Variants in ARL14EPL observed in about 807,000 individuals in gnomAD.
ARL14EPL encodes the protein ARL14 effector protein-like.
ARL14EPL carries 17 observed loss-of-function variants against 15.9 expected under a neutral mutation model. The ratio of observed to expected loss-of-function variants is 1.07; its 90% CI spans 0.73 to 1.60. The LOEUF is 1.60. Among genes scored for constraint, ARL14EPL ranks in the 40% most tolerant of loss-of-function variants. ARL14EPL has a pLI of 0.00. For missense variants in ARL14EPL, 214 were observed against 185.9 expected, an observed-to-expected ratio of 1.15 and a Z score of -0.88; for synonymous variants, 78 against 63.8, an observed-to-expected ratio of 1.22 and a Z score of -1.06.
intron 3 of ARL14EPL, 143 bp downstream of exon 3, chr5:116,054,296 G>C: frequency 1.3e-5 from 12 of 948,906 alleles, no homozygotes; most frequent in Non-Finnish European, 1.7e-5. Flanking sequence ...CCATGTGTCT[G>C]GACGTTAGCA....
intron 1 of ARL14EPL, among the ~76,000 whole-genome samples, chr5:116,035,113 A>G (rs1469736322): frequency 6.6e-6 from 1 of 152,178 alleles, no homozygotes; most frequent in Non-Finnish European, 1.5e-5. Context: ...TTGTAATGAT[A>G]TATCCCGCAG....
At chr5:116,038,445 C>A (rs1158688002) in intron 1 of ARL14EPL, among the ~76,000 whole-genome samples, 3 of 152,096 alleles carry the variant, frequency 2.0e-5, no homozygotes, top group Non-Finnish European at 4.4e-5. Context: ...CATTCTTGCA[C>A]TCTAGCTAGA....
At position 116,054,583 on chromosome 5, in the gene ARL14EPL, A is replaced by G. The variant is rs531384948; in HGVS notation, c.236+430A>G. On this transcript the variant is annotated intron_variant, in intron 3 of 3. Transcript: ENST00000686077. ...ACGGTGGCTCACACCTGTAATTCCAACACTTTGGGAGGCCAAAGTGGGTGG... is the reference window on the plus strand; with the variant it reads ...ACGGTGGCTCACACCTGTAATTCCAGCACTTTGGGAGGCCAAAGTGGGTGG... Among the ~76,000 whole-genome samples the G allele has an allele frequency of 5.3e-5, 8 of 152,334 alleles. No homozygotes were observed. The South Asian group carries it at 1.7e-3, about 32-fold the overall frequency.
intron 1 of ARL14EPL, among the ~76,000 whole-genome samples, chr5:116,037,995 G>A (rs1749078197): frequency 6.6e-6 from 1 of 152,166 alleles, no homozygotes; most frequent in African/African-American, 2.4e-5. Flanking sequence ...TGAACCTTAA[G>A]GTTTGCATTG....
intron 1 of ARL14EPL, among the ~76,000 whole-genome samples, chr5:116,041,456 T>C (rs1749156872): frequency 6.6e-6 from 1 of 152,216 alleles, no homozygotes; most frequent in Admixed American, 6.5e-5. Flanking sequence ...TAAATTGCTT[T>C]AATGATTTTC....
intron 1 of ARL14EPL, among the ~76,000 whole-genome samples, chr5:116,042,420 C>A (rs146751649): frequency 5.3e-5 from 8 of 152,284 alleles, no homozygotes; most frequent in African/African-American, 1.9e-4. Context: ...GGTCCTGGCT[C>A]AGGTCTGTAG....
chr5:116,056,493 T>C (rs1483198124), intron 3 of ARL14EPL, among the ~76,000 whole-genome samples: 2 of 152,188 alleles, frequency 1.3e-5, no homozygotes, highest in South Asian at 2.1e-4. Context: ...TTGATGGGGT[T>C]GTTTGTTTTT....
chr5:116,051,707 C>T lies in ARL14EPL; in HGVS notation c.96+146C>T, dbSNP rs1270438831. Reference sequence around the variant, plus strand: ...TGCCGCCCAGGCTGATAGAGCTTTCCCTCCTCCCCACTGCTCACTGCGGGC... The same window carrying T: ...TGCCGCCCAGGCTGATAGAGCTTTCTCTCCTCCCCACTGCTCACTGCGGGC... On this transcript the variant is annotated intron_variant, in intron 2 of 3. Coordinates refer to ENST00000686077, the MANE Select transcript of ARL14EPL (RefSeq NM_001195581.2). 1.2e-5 allele frequency: 9 copies of T among 757,234 alleles called. No homozygotes were observed. The Admixed American group carries it at 2.3e-4, about 19-fold the overall frequency. 46.9% of individuals were successfully genotyped at this position (757,234 alleles called of 1,614,324 possible).
intron 1 of ARL14EPL, chr5:116,051,175 T>C (rs899555682): frequency 3.7e-6 from 1 of 269,354 alleles, no homozygotes; most frequent in Non-Finnish European, 6.9e-6. Flanking sequence ...AAACTCAGAG[T>C]CTTCTTAATC....
chr5:116,038,449 A>G (rs1248750549), intron 1 of ARL14EPL, among the ~76,000 whole-genome samples: 2 of 152,170 alleles, frequency 1.3e-5, no homozygotes, highest in Admixed American at 6.5e-5. Flanking sequence ...CTTGCACTCT[A>G]GCTAGAATTT....
chr5:116,048,397 C>T (rs74524255), intron 1 of ARL14EPL, among the ~76,000 whole-genome samples: 1,879 of 152,170 alleles, frequency 0.012, 35 homozygotes, highest in African/African-American at 0.043. Context: ...TTCTCCCTGC[C>T]TTTTGGCAGT....
At chr5:116,051,842 T>C (rs998891367) in intron 2 of ARL14EPL, 7 of 1,077,532 alleles carry the variant, frequency 6.5e-6, no homozygotes, top group Non-Finnish European at 9.5e-6. Flanking sequence ...CAAACGTTTT[T>C]ATTTTTATTT....
intron 1 of ARL14EPL, among the ~76,000 whole-genome samples, chr5:116,039,047 G>A (rs1268361874): frequency 6.6e-6 from 1 of 152,164 alleles, no homozygotes; most frequent in East Asian, 1.9e-4. Flanking sequence ...AGCAGGGTGG[G>A]GGAAGAAGGT....
intron 2 of ARL14EPL, among the ~76,000 whole-genome samples, chr5:116,053,522 A>G (rs1378445882): frequency 3.3e-5 from 5 of 152,082 alleles, no homozygotes; most frequent in Non-Finnish European, 7.4e-5. Context: ...CCCCGCGTGG[A>G]GGCCAGTCCC....
At chr5:116,036,429 A>G (rs569690019) in intron 1 of ARL14EPL, among the ~76,000 whole-genome samples, 16 of 152,256 alleles carry the variant, frequency 1.1e-4, no homozygotes, top group African/African-American at 3.9e-4. Context: ...AAAATTTCCA[A>G]GATAATTATA....
At chr5:116,047,468 A>G (rs1749295086) in intron 1 of ARL14EPL, among the ~76,000 whole-genome samples, 1 of 152,222 alleles carries the variant, frequency 6.6e-6, no homozygotes, top group African/African-American at 2.4e-5. Context: ...TTGTGACTCA[A>G]ATGACTCTTT....
intron 2 of ARL14EPL, among the ~76,000 whole-genome samples, chr5:116,053,064 T>G (rs1311526712): frequency 2.6e-5 from 4 of 152,106 alleles, no homozygotes; most frequent in Non-Finnish European, 5.9e-5. Context: ...CCATCTAATT[T>G]CTAATTACAG....
At chr5:116,055,918 A>G (rs1471490695) in intron 3 of ARL14EPL, among the ~76,000 whole-genome samples, 1 of 151,958 alleles carries the variant, frequency 6.6e-6, no homozygotes. Context: ...AGTCCTTGCG[A>G]TAGTTTGCTA....
chr5:116,046,814 C>T (rs1323096174), intron 1 of ARL14EPL, among the ~76,000 whole-genome samples: 3 of 152,172 alleles, frequency 2.0e-5, no homozygotes, highest in African/African-American at 7.2e-5. Flanking sequence ...GTGTCCTCTC[C>T]AAATTCATAA....
Sources: allele counts gnomAD v4.1 joint callset (sites outside exome capture counted in the v4.1 genomes callset), GRCh38; gene constraint gnomAD v4.1.1; transcripts MANE v1.5; gene names NCBI Gene and HGNC (gene_info 2026-07-23, HGNC 2026-07-21).